The following EPB42 variants were observed in gnomAD, a reference collection of about 807,000 sequenced individuals.
The protein encoded by EPB42 is protein 4.2.
EPB42 carries 49 observed loss-of-function variants against 76.9 expected under a neutral mutation model. The observed-to-expected ratio is 0.64, with a 90% CI of 0.51 to 0.81. The LOEUF is 0.81. Ranked by LOEUF, EPB42 falls within the 30% of genes least tolerant of loss-of-function variation. The pLI is 0.00. For missense variants in EPB42, 731 were observed against 867.6 expected, an observed-to-expected ratio of 0.84 and a Z score of 1.98; for synonymous variants, 310 against 338.4, an observed-to-expected ratio of 0.92 and a Z score of 0.92.
intron 3 of EPB42, among the ~76,000 whole-genome samples, chr15:43,212,945 G>A (rs1488049665): frequency 1.3e-5 from 2 of 152,096 alleles, no homozygotes; most frequent in Non-Finnish European, 2.9e-5. Flanking sequence ...CCTCTCTGGA[G>A]CCCTCCAGGG....
In EPB42 at chr15:43,215,343, T is replaced by C; in HGVS notation, c.197-15A>G. 1 of 1,612,730 alleles carries C rather than the reference T, an allele frequency of 6.2e-7. No homozygotes were observed. Among genetic ancestry groups the C allele is most frequent in the Admixed American group, 1.7e-5 (1 of 60,030 alleles). On this transcript the variant is annotated splice_polypyrimidine_tract_variant and intron_variant, in intron 2 of 12. Transcript: ENST00000441366. ...AGGCTGCTCTCCTGTAGTCACACGG[T>C]GATTAGTCTGTCACTGGGACTTCTT...
Position 43,206,603 on chromosome 15 carries a change from C to G in EPB42, c.1345G>C (p.Glu449Gln). 1 of 1,614,160 alleles carries G rather than the reference C, an allele frequency of 6.2e-7. No individual in the cohort carries two copies. Among genetic ancestry groups the G allele is most frequent in the Admixed American group, 1.7e-5 (1 of 60,008 alleles). ...EGSLQEKEVL[E>Q]RVEKEKMERE... ...TCCATTTTCTCTTTCTCGACTCTCT[C>G]CAGCACCTCTTTTTCCTGAAGAGAC... Residue 449 changes from glutamate to glutamine, a missense_variant, in exon 10 of 13, where the codon GAG becomes CAG. Physicochemically the swap from Glu to Gln is conservative, Grantham distance 29. Transcript: ENST00000441366. The surrounding 1 kb of genome is among the most constrained non-coding windows in gnomAD (Gnocchi z 4.7).
chr15:43,204,921 C>G (rs959382561), intron 10 of EPB42, among the ~76,000 whole-genome samples: 7 of 150,578 alleles, frequency 4.6e-5, no homozygotes, highest in African/African-American at 1.7e-4. Flanking sequence ...CCCAGATGAT[C>G]GGAGTCTCTG....
At chr15:43,225,535 C>A (rs1013193323), upstream of EPB42, among the ~76,000 whole-genome samples, 3 of 152,160 alleles carry the variant, frequency 2.0e-5, no homozygotes, top group Non-Finnish European at 4.4e-5. Flanking sequence ...TCAGTCGGGG[C>A]ACTTTCTGAG....
At chr15:43,212,381 A>G (rs2042313190) in intron 3 of EPB42, among the ~76,000 whole-genome samples, 1 of 148,700 alleles carries the variant, frequency 6.7e-6, no homozygotes, top group Non-Finnish European at 1.5e-5. Flanking sequence ...AAAAAAAAAA[A>G]AAAAAGAAAA....
At chr15:43,213,134 A>AT (rs1349638438) in intron 3 of EPB42, among the ~76,000 whole-genome samples, 10 of 151,792 alleles carry the variant, frequency 6.6e-5, no homozygotes, top group Non-Finnish European at 1.3e-4. Flanking sequence ...TTTATTTTTT[A>AT]TTTTTTTGGA....
chr15:43,208,495 G>T, intron 7 of EPB42, 142 bp downstream of exon 7: 1 of 1,447,726 alleles, frequency 6.9e-7, no homozygotes, highest in Non-Finnish European at 9.7e-7. Flanking sequence ...CACCATCACT[G>T]ACCATCAGCG....
At chr15:43,221,348 T>G (rs2042458521), upstream of EPB42, among the ~76,000 whole-genome samples, 1 of 152,172 alleles carries the variant, frequency 6.6e-6, no homozygotes, top group African/African-American at 2.4e-5. Flanking sequence ...TGGGCTGTTT[T>G]GATAATAGAG....
intron 10 of EPB42, among the ~76,000 whole-genome samples, chr15:43,204,974 C>CCAA (rs71111806): frequency 1.4e-5 from 2 of 145,128 alleles, no homozygotes; most frequent in African/African-American, 2.6e-5. Flanking sequence ...GCCCCCCCCC[C>CCAA]AAAAAAAAGT....
At chr15:43,203,011 A>G (rs753051135) in intron 11 of EPB42, 104 bp downstream of exon 11, 117 of 1,406,972 alleles carry the variant, frequency 8.3e-5, no homozygotes, top group Non-Finnish European at 1.2e-4. Flanking sequence ...TTTTCTGGTA[A>G]TCTTGCAGCA....
Position 43,206,741 on chromosome 15 carries a change from C to T in EPB42, c.1319-112G>A, listed in dbSNP as rs2042211104. On this transcript the variant is annotated intron_variant, in intron 9 of 12. Coordinates refer to ENST00000441366, the MANE Select transcript of EPB42 (RefSeq NM_001114134.2). The surrounding 1 kb of genome is among the most constrained non-coding windows in gnomAD (Gnocchi z 4.7). ...CACTTCTGCTCAAATGCCAAAGTCA[C>T]AAGAACTCAGCAAGCCTCTAAGGCC... 3.7e-6 allele frequency: 5 copies of T among 1,337,644 alleles called. No individual in the cohort carries two copies. The highest frequency in any genetic ancestry group is 1.4e-5 in the African/African-American group (1 of 69,410). 82.9% of individuals were successfully genotyped at this position (1,337,644 alleles called of 1,614,324 possible).
intron 1 of EPB42, among the ~76,000 whole-genome samples, chr15:43,217,602 C>T (rs1437557472): frequency 6.6e-6 from 1 of 151,926 alleles, no homozygotes; most frequent in African/African-American, 2.4e-5. Flanking sequence ...ACTTTTTGTT[C>T]CTTTAATAGC....
rs2042402551 is a variant in EPB42, at chr15:43,217,947, C to T, written c.11-1494G>A. Among the ~76,000 whole-genome samples, 2 of 152,170 alleles carry T rather than the reference C, an allele frequency of 1.3e-5. 1 individual carries two copies. The highest frequency in any genetic ancestry group is 4.8e-5 in the African/African-American group (2 of 41,428). ...TGTCTATTTAGGGCAAAAGAACTGA[C>T]ATTATTGAATATGAAGAAATGTGAA... On this transcript the variant is annotated intron_variant, in intron 1 of 12. Coordinates refer to ENST00000441366, the MANE Select transcript of EPB42 (RefSeq NM_001114134.2).
chr15:43,203,083 C>G, intron 11 of EPB42, 32 bp downstream of exon 11: 1 of 1,613,562 alleles, frequency 6.2e-7, no homozygotes, highest in Non-Finnish European at 8.5e-7. Context: ...TGGTGGCAGA[C>G]GAGGGCAACT....
chr15:43,209,570 G>C lies in EPB42; in HGVS notation c.655-119C>G, dbSNP rs1332596895. ...CATGGTGAACAGATCCCCAGCATTA[G>C]AGCCACCTGGTACTGGTTAAACCTG... is the stretch of plus-strand genomic sequence containing the variant. On this transcript the variant is annotated intron_variant, in intron 5 of 12. Transcript: ENST00000441366. The C allele has an allele frequency of 1.1e-5, 13 of 1,136,124 alleles. No homozygotes were observed. In the Admixed American group the frequency reaches 2.6e-4, roughly 23 times the overall value. 70.4% of individuals were successfully genotyped at this position (1,136,124 alleles called of 1,614,324 possible). A position where few individuals can be genotyped will look rare whatever the true frequency, so the allele number is the denominator to read the frequency against.
intron 2 of EPB42, among the ~76,000 whole-genome samples, 157 bp downstream of exon 2, chr15:43,216,111 C>T (rs777878231): frequency 6.6e-6 from 1 of 152,238 alleles, no homozygotes; most frequent in Non-Finnish European, 1.5e-5. Flanking sequence ...CACATAATCT[C>T]GTGGCACCCT....
At chr15:43,220,066 G>A (rs960501548) in intron 1 of EPB42, among the ~76,000 whole-genome samples, 3 of 151,906 alleles carry the variant, frequency 2.0e-5, no homozygotes, top group Admixed American at 1.3e-4. Flanking sequence ...TGGTCTCAGC[G>A]TCAGTTGCCC....
intron 3 of EPB42, among the ~76,000 whole-genome samples, chr15:43,213,414 C>T (rs564893403): frequency 6.6e-5 from 10 of 152,292 alleles, no homozygotes; most frequent in South Asian, 2.1e-4. Flanking sequence ...CCCAGATGAG[C>T]GGAGCCAATG....
chr15:43,208,304 A>T lies in EPB42; in HGVS notation c.1001T>A (p.Met334Lys). 1.2e-6 allele frequency: 2 copies of T among 1,614,146 alleles called. No individual in the cohort carries two copies. Among genetic ancestry groups the T allele is most frequent in the Non-Finnish European group, 1.7e-6 (2 of 1,179,992 alleles). Reference protein sequence around the residue: ...WIFQTSTECWMTRPALPQGYD... With the variant: ...WIFQTSTECWKTRPALPQGYD... ...ACCCTGGGGCAAGGCAGGCCGCGTC[A>T]TCCAGCACTCTGTGGAAGTCTGGAA... The change falls in exon 8 of 13, where the codon ATG (methionine) becomes AAG (lysine). Residue 334 changes from methionine to lysine, a missense_variant. Physicochemically the swap from Met to Lys is moderately conservative, Grantham distance 95 (BLOSUM62 -1). Coordinates refer to ENST00000441366, the MANE Select transcript of EPB42 (RefSeq NM_001114134.2).
Sources: gnomAD v4.1 joint callset for allele counts (sites outside exome capture counted in the v4.1 genomes callset) on GRCh38, gnomAD v4.1.1 for gene constraint, Gnocchi (gnomAD v3.1) non-coding constraint, MANE v1.5 for transcripts, NCBI Gene and HGNC (gene_info 2026-07-23, HGNC 2026-07-21) for gene names.